The following TIMP3 variants were observed in gnomAD, a reference collection of about 807,000 sequenced individuals.
TIMP3 encodes the protein TIMP metallopeptidase inhibitor 3.
Under a neutral mutation model 30.0 loss-of-function variants are expected in TIMP3, and 11 were observed. The ratio of observed to expected loss-of-function variants is 0.37; its 90% CI spans 0.23 to 0.61. The LOEUF (loss-of-function observed/expected upper bound fraction) is 0.61. Ranked by LOEUF, TIMP3 falls within the 20% of genes least tolerant of loss-of-function variation. TIMP3 has a pLI of 0.70. For missense variants in TIMP3, 181 were observed against 276.8 expected, an observed-to-expected ratio of 0.65 and a Z score of 2.45; for synonymous variants, 112 against 111.3, an observed-to-expected ratio of 1.01 and a Z score of -0.04.
chr22:32,851,085 A>G (rs767975074), intron 2 of TIMP3, among the ~76,000 whole-genome samples: 12 of 152,160 alleles, frequency 7.9e-5, no homozygotes, highest in Non-Finnish European at 1.2e-4. Context: ...ATGTCTTCAG[A>G]CAGCCCTGGG....
intron 1 of TIMP3, among the ~76,000 whole-genome samples, chr22:32,811,833 G>A (rs1299191008): frequency 6.6e-6 from 1 of 152,204 alleles, no homozygotes; most frequent in Non-Finnish European, 1.5e-5. Flanking sequence ...TCAAGGATCT[G>A]GTGCTGCCCT....
chr22:32,838,351 C>T (rs2047796845), intron 1 of TIMP3, among the ~76,000 whole-genome samples: 1 of 152,138 alleles, frequency 6.6e-6, no homozygotes, highest in African/African-American at 2.4e-5. Flanking sequence ...CTGCCATGCT[C>T]TTCATATTTC....
rs531679721 is a variant in TIMP3, at chr22:32,848,840, C to A, written c.122-612C>A. Among the ~76,000 whole-genome samples, 5 of 152,214 alleles carry A rather than the reference C, an allele frequency of 3.3e-5. No homozygotes were observed. In the South Asian group the frequency reaches 1.0e-3, roughly 32 times the overall value. On this transcript the variant is annotated intron_variant, in intron 1 of 4. Transcript: ENST00000266085. ...GCTCCTGAGCCCCGACTCCCAATTG[C>A]TCCTTCTTCTAACCACATCCCCATA... is the stretch of plus-strand genomic sequence containing the variant.
rs1415928071 is a variant in TIMP3 at position 32,861,568 on chromosome 22, A to C, written c.*2191A>C. 6.6e-6 allele frequency: 1 copy of C among 152,284 alleles called. No homozygotes were observed. Among genetic ancestry groups the C allele is most frequent in the Non-Finnish European group, 1.5e-5 (1 of 68,010 alleles). 9.4% of individuals were successfully genotyped at this position (152,284 alleles called of 1,614,324 possible). A position where few individuals can be genotyped will look rare whatever the true frequency, so the allele number is the denominator to read the frequency against. ...CTCTGTGAGGCATCTGGCCATTCGC[A>C]CTCCCTGGTGTGGTCAGCCTCTCTC... On this transcript the variant is annotated 3_prime_UTR_variant, in exon 5 of 5. Transcript: ENST00000266085.
chr22:32,812,383 T>C (rs2046938511), intron 1 of TIMP3, among the ~76,000 whole-genome samples: 1 of 152,178 alleles, frequency 6.6e-6, no homozygotes, highest in African/African-American at 2.4e-5. Flanking sequence ...AGATGACATA[T>C]TTGACCACCA....
Position 32,862,416 on chromosome 22 carries a change from G to C in TIMP3, c.*3039G>C, listed in dbSNP as rs1183723453. ...CAGACCTGCCTCATGGTGGCAACAT[G>C]GTTCTTGAACAATTAAAGAAACAAA... On this transcript the variant is annotated 3_prime_UTR_variant, in exon 5 of 5. Transcript: ENST00000266085. 3 of 152,172 alleles carry C rather than the reference G, an allele frequency of 2.0e-5. No individual in the cohort carries two copies. Among genetic ancestry groups the C allele is most frequent in the African/African-American group, 7.2e-5 (3 of 41,418 alleles). The allele number at this position is 152,172 out of a possible 1,614,324, so 9.4% of individuals were successfully genotyped here.
chr22:32,847,420 C>G (rs978003318), intron 1 of TIMP3, among the ~76,000 whole-genome samples: 1 of 152,182 alleles, frequency 6.6e-6, no homozygotes, highest in South Asian at 2.1e-4. Context: ...GAGCTGCCTC[C>G]GCTAAATTGC....
Position 32,861,807 on chromosome 22 carries a change from T to C in TIMP3, c.*2430T>C, listed in dbSNP as rs1461537467. ...TTTCACCCGTTCACTTACTGTATAA[T>C]TTAAAATCATTTATGTAGCTGAGAC... On this transcript the variant is annotated 3_prime_UTR_variant, in exon 5 of 5. Transcript: ENST00000266085. 1.3e-5 allele frequency: 2 copies of C among 152,650 alleles called. No individual in the cohort carries two copies. Among genetic ancestry groups the C allele is most frequent in the Non-Finnish European group, 2.9e-5 (2 of 68,046 alleles). 9.5% of individuals were successfully genotyped at this position (152,650 alleles called of 1,614,324 possible).
At chr22:32,822,193 G>T (rs1011486511) in intron 1 of TIMP3, among the ~76,000 whole-genome samples, 1 of 149,934 alleles carries the variant, frequency 6.7e-6, no homozygotes, top group Non-Finnish European at 1.5e-5. Context: ...AGCTCTGTCT[G>T]TCTGTCCTTT....
At chr22:32,853,173 A>T (rs950695478) in intron 2 of TIMP3, among the ~76,000 whole-genome samples, 1 of 152,100 alleles carries the variant, frequency 6.6e-6, no homozygotes, top group Admixed American at 6.6e-5. Flanking sequence ...CCCACAGGGA[A>T]CCATTCTTCT....
chr22:32,847,504 C>G (rs1204719403), intron 1 of TIMP3, among the ~76,000 whole-genome samples: 1 of 152,316 alleles, frequency 6.6e-6, no homozygotes, highest in Non-Finnish European at 1.5e-5. Context: ...TTCATCTGAA[C>G]CCTGACTTCA....
At chr22:32,852,525 T>C (rs941956420) in intron 2 of TIMP3, among the ~76,000 whole-genome samples, 3 of 152,134 alleles carry the variant, frequency 2.0e-5, no homozygotes, top group Non-Finnish European at 2.9e-5. Context: ...TTCTAGCAGA[T>C]TAGACAGTCT....
chr22:32,851,578 A>G (rs959471498), intron 2 of TIMP3, among the ~76,000 whole-genome samples: 2 of 152,188 alleles, frequency 1.3e-5, no homozygotes, highest in African/African-American at 4.8e-5. Context: ...GAGCTCATGA[A>G]TCATGGTGCT....
intron 1 of TIMP3, among the ~76,000 whole-genome samples, chr22:32,846,001 C>A (rs1436966840): frequency 1.3e-5 from 2 of 152,158 alleles, no homozygotes; most frequent in African/African-American, 4.8e-5. Flanking sequence ...CTGGGGTTGG[C>A]CAGCAATTCT....
intron 1 of TIMP3, among the ~76,000 whole-genome samples, chr22:32,826,757 G>T (rs941193259): frequency 6.6e-6 from 1 of 152,144 alleles, no homozygotes; most frequent in African/African-American, 2.4e-5. Context: ...AGGCACCAGG[G>T]CGTCCACTAT....
Position 32,861,794 on chromosome 22 carries a change from A to G in TIMP3, c.*2417A>G, listed in dbSNP as rs1400884947. 6.6e-6 allele frequency: 1 copy of G among 152,650 alleles called. No homozygotes were observed. The highest frequency in any genetic ancestry group is 1.9e-4 in the East Asian group (1 of 5,194). 9.5% of individuals were successfully genotyped at this position (152,650 alleles called of 1,614,324 possible). A position where few individuals can be genotyped will look rare whatever the true frequency, so the allele number is the denominator to read the frequency against. ...ATAGCTTTGTTTATTTCACCCGTTC[A>G]CTTACTGTATAATTTAAAATCATTT... On this transcript the variant is annotated 3_prime_UTR_variant, in exon 5 of 5. Transcript: ENST00000266085.
chr22:32,809,250 C>T (rs2046845694), intron 1 of TIMP3, among the ~76,000 whole-genome samples: 1 of 152,134 alleles, frequency 6.6e-6, no homozygotes, highest in Non-Finnish European at 1.5e-5. Flanking sequence ...ACCTGTGTTT[C>T]CAATCAGTCT....
intron 1 of TIMP3, among the ~76,000 whole-genome samples, chr22:32,840,504 C>A (rs1357053591): frequency 6.6e-6 from 1 of 152,102 alleles, no homozygotes; most frequent in Non-Finnish European, 1.5e-5. Flanking sequence ...GCTCCCCACC[C>A]CCAGCCCCCA....
chr22:32,822,083 A>C lies in TIMP3; in HGVS notation c.121+19961A>C, dbSNP rs1382396827. On this transcript the variant is annotated intron_variant, in intron 1 of 4. Transcript: ENST00000266085. The stretch of plus-strand genomic sequence containing the variant: ...GGCAGGAGAATTGCTTGAACCTGGG[A>C]GGCAGAGGTTGCAATGAGCCGAGAT... Among the ~76,000 whole-genome samples the C allele has an allele frequency of 4.1e-5, 6 of 147,386 alleles. No homozygotes were observed. In the East Asian group the frequency reaches 1.2e-3, roughly 30 times the overall value.
Sources: gnomAD v4.1 joint callset for allele counts (sites outside exome capture counted in the v4.1 genomes callset) on GRCh38, gnomAD v4.1.1 for gene constraint, MANE v1.5 for transcripts, NCBI Gene and HGNC (gene_info 2026-07-23, HGNC 2026-07-21) for gene names.